HS3ST3A1: variants seen among roughly 807,000 people sequenced by gnomAD.
HS3ST3A1 encodes heparan sulfate glucosamine 3-O-sulfotransferase 3A1.
A neutral mutation model predicts 25.7 loss-of-function variants in HS3ST3A1; 19 were observed. The observed-to-expected ratio is 0.74, with a 90% CI of 0.52 to 1.08. HS3ST3A1 has a LOEUF of 1.08. HS3ST3A1 is among the 50% of genes least tolerant of loss of function. HS3ST3A1 has a pLI of 0.00. For missense variants in HS3ST3A1, 459 were observed against 594.3 expected (o/e 0.77, Z 2.37); for synonymous variants, 226 against 278.6 (o/e 0.81, Z 1.88).
chr17:13,538,873 G>A (rs1442556391), intron 1 of HS3ST3A1, among the ~76,000 whole-genome samples: 1 of 152,158 alleles, frequency 6.6e-6, no homozygotes, highest in Non-Finnish European at 1.5e-5. Context: ...ATGTACTGCT[G>A]TTTAACAAAG....
intron 1 of HS3ST3A1, among the ~76,000 whole-genome samples, chr17:13,581,894 C>A (rs1270945281): frequency 1.3e-5 from 2 of 152,230 alleles, no homozygotes; most frequent in East Asian, 3.9e-4. Context: ...ACTCAGTTCC[C>A]AGGGGGTCGC....
At chr17:13,552,537 C>T (rs926240172) in intron 1 of HS3ST3A1, among the ~76,000 whole-genome samples, 5 of 152,168 alleles carry the variant, frequency 3.3e-5, no homozygotes, top group South Asian at 4.1e-4. Context: ...CAGAGGAGGC[C>T]GTTTCTGCCT....
At chr17:13,586,354 C>A (rs1908267717) in intron 1 of HS3ST3A1, among the ~76,000 whole-genome samples, 1 of 151,388 alleles carries the variant, frequency 6.6e-6, no homozygotes, top group South Asian at 2.1e-4. Context: ...GGCCACCTAT[C>A]CCAGTGTGCA....
chr17:13,553,046 T>G (rs1423590996), intron 1 of HS3ST3A1, among the ~76,000 whole-genome samples: 1 of 152,220 alleles, frequency 6.6e-6, no homozygotes, highest in Non-Finnish European at 1.5e-5. Flanking sequence ...CCATGTTAGT[T>G]AAAGCTTCTT....
chr17:13,500,244 A>G (rs1357914936), intron 1 of HS3ST3A1, among the ~76,000 whole-genome samples: 1 of 152,224 alleles, frequency 6.6e-6, no homozygotes, highest in African/African-American at 2.4e-5. Context: ...TCTTTACCTG[A>G]GTAAGGCACA....
intron 1 of HS3ST3A1, among the ~76,000 whole-genome samples, chr17:13,586,072 C>G (rs778459270): frequency 2.6e-4 from 39 of 151,750 alleles, no homozygotes; most frequent in Non-Finnish European, 4.3e-4. Flanking sequence ...TGGTCTTAAT[C>G]TCCTGACCTC....
chr17:13,584,713 A>T (rs1908206991), intron 1 of HS3ST3A1, among the ~76,000 whole-genome samples: 1 of 152,206 alleles, frequency 6.6e-6, no homozygotes. Context: ...AACCAGGAAA[A>T]AATACAGTAA....
At chr17:13,585,185 G>GTTTTT (rs1908218432) in intron 1 of HS3ST3A1, among the ~76,000 whole-genome samples, 3 of 50,062 alleles carry the variant, frequency 6.0e-5, no homozygotes, top group Admixed American at 2.2e-4. Context: ...ATTTTTCTGT[G>GTTTTT]CTTTTTTTTT....
At chr17:13,575,781 G>A (rs115923279) in intron 1 of HS3ST3A1, among the ~76,000 whole-genome samples, 2,670 of 152,286 alleles carry the variant, frequency 0.018, 76 homozygotes, top group African/African-American at 0.06. Context: ...ATTAACTGTC[G>A]TTCCCATCAA....
intron 1 of HS3ST3A1, among the ~76,000 whole-genome samples, chr17:13,497,691 G>C (rs1905329168): frequency 6.6e-6 from 1 of 152,196 alleles, no homozygotes; most frequent in South Asian, 2.1e-4. Flanking sequence ...AAATCTATTT[G>C]TTCTTCCAAC....
At chr17:13,513,063 G>T (rs887188351) in intron 1 of HS3ST3A1, among the ~76,000 whole-genome samples, 1 of 152,122 alleles carries the variant, frequency 6.6e-6, no homozygotes, top group African/African-American at 2.4e-5. Context: ...TAGGGTATGC[G>T]GGCCTTCATT....
In HS3ST3A1 at chr17:13,580,967, G is replaced by A. The variant is rs79947364; in HGVS notation, c.599+19564C>T. ...GCGGTTGGGGCATGTACCTGCATGT[G>A]TGTGCTTGTGTATTCCTGTGAGGCT... On this transcript the variant is annotated intron_variant, in intron 1 of 1. Coordinates refer to ENST00000284110, the MANE Select transcript of HS3ST3A1 (RefSeq NM_006042.3). Among the ~76,000 whole-genome samples, 7 of 152,286 alleles carry A rather than the reference G, an allele frequency of 4.6e-5. No individual in the cohort carries two copies. In the East Asian group the frequency reaches 1.2e-3, roughly 25 times the overall value.
intron 1 of HS3ST3A1, among the ~76,000 whole-genome samples, chr17:13,595,859 G>T (rs1427622595): frequency 7.5e-4 from 114 of 151,796 alleles, no homozygotes; most frequent in African/African-American, 2.4e-3. Context: ...TGTTGTTGTT[G>T]TTGTTGTTGT....
chr17:13,510,619 T>G (rs1905829897), intron 1 of HS3ST3A1, among the ~76,000 whole-genome samples: 1 of 152,208 alleles, frequency 6.6e-6, no homozygotes, highest in Admixed American at 6.5e-5. Flanking sequence ...GCAGCTATGA[T>G]TTTGGCAGGA....
chr17:13,518,233 C>T (rs912629381), intron 1 of HS3ST3A1, among the ~76,000 whole-genome samples: 1 of 151,952 alleles, frequency 6.6e-6, no homozygotes, highest in Non-Finnish European at 1.5e-5. Context: ...CTTCTCAAAA[C>T]AGGAAATAAC....
chr17:13,594,007 C>T (rs186004737), intron 1 of HS3ST3A1, among the ~76,000 whole-genome samples: 3 of 152,210 alleles, frequency 2.0e-5, no homozygotes, highest in African/African-American at 4.8e-5. Context: ...GATAGCTTAG[C>T]GGTCTTGGCG....
chr17:13,561,876 G>A (rs1017172309), intron 1 of HS3ST3A1, among the ~76,000 whole-genome samples: 2 of 151,962 alleles, frequency 1.3e-5, no homozygotes, highest in Non-Finnish European at 2.9e-5. Context: ...GGTACAAAGA[G>A]GACAGACAAA....
intron 1 of HS3ST3A1, among the ~76,000 whole-genome samples, chr17:13,556,850 T>TG: frequency 8.0e-6 from 1 of 124,920 alleles, no homozygotes; most frequent in East Asian, 2.5e-4. Flanking sequence ...AAACTCCGCC[T>TG]AAAAAAAAAA....
intron 1 of HS3ST3A1, among the ~76,000 whole-genome samples, chr17:13,550,840 G>C (rs189162989): frequency 1.3e-5 from 2 of 152,126 alleles, no homozygotes; most frequent in African/African-American, 2.4e-5. Context: ...AGGCCAAGGC[G>C]GGCAGATCTC....
Sources: allele counts gnomAD v4.1 joint callset (sites outside exome capture counted in the v4.1 genomes callset), GRCh38; gene constraint gnomAD v4.1.1; transcripts MANE v1.5; gene names NCBI Gene and HGNC (gene_info 2026-07-23, HGNC 2026-07-21).